Variants in SLC71A2 observed in about 807,000 individuals in gnomAD.
The protein encoded by SLC71A2 is solute carrier family 71 member 2.
the SLC71A2 span, among the ~76,000 whole-genome samples, chr9:94,409,681 T>C: frequency 1.3e-5 from 2 of 152,180 alleles, no homozygotes; most frequent in Non-Finnish European, 1.5e-5. Context: ...TTTGTTCAAA[T>C]GAAAGTTTTG....
the SLC71A2 span, among the ~76,000 whole-genome samples, chr9:94,381,527 T>G: frequency 6.6e-6 from 1 of 152,364 alleles, no homozygotes; most frequent in South Asian, 2.1e-4. Flanking sequence ...CATTCCCTTG[T>G]TGATGGACTT....
the SLC71A2 span, among the ~76,000 whole-genome samples, chr9:94,450,507 T>TTTTTTTTTTTTTTTTTTTTC: frequency 5.8e-3 from 792 of 137,238 alleles, 63 homozygotes; most frequent in African/African-American, 0.011. Flanking sequence ...TTTTTTTTTT[T>TTTTTTTTTTTTTTTTTTTTC]GAGATGGAGT....
At chr9:94,413,030 A>G in the SLC71A2 span, among the ~76,000 whole-genome samples, 7 of 152,270 alleles carry the variant, frequency 4.6e-5, no homozygotes, top group African/African-American at 4.8e-5. Flanking sequence ...TATAACCTCA[A>G]TCTAATCATG....
the SLC71A2 span, among the ~76,000 whole-genome samples, chr9:94,405,746 T>C: frequency 6.6e-6 from 1 of 152,080 alleles, no homozygotes; most frequent in Non-Finnish European, 1.5e-5. Context: ...TAATTTTTTT[T>C]CTTTTTCAAG....
the SLC71A2 span, among the ~76,000 whole-genome samples, chr9:94,404,921 A>G: frequency 6.6e-6 from 1 of 152,174 alleles, no homozygotes; most frequent in Non-Finnish European, 1.5e-5. Flanking sequence ...TGTCAAATCC[A>G]ATACCAGGAA....
At chr9:94,380,290 CT>C in the SLC71A2 span, among the ~76,000 whole-genome samples, 1 of 151,260 alleles carries the variant, frequency 6.6e-6, no homozygotes, top group Non-Finnish European at 1.5e-5. Context: ...AAAGAAATTT[CT>C]CAGTTTCTTA....
the SLC71A2 span, chr9:94,454,147 G>C: frequency 1.5e-5 from 15 of 974,908 alleles, 1 homozygote; most frequent in South Asian, 1.0e-4. Flanking sequence ...TGGGTGTGAT[G>C]AGAAGGAAGC....
At chr9:94,437,576 A>T in the SLC71A2 span, among the ~76,000 whole-genome samples, 3 of 152,198 alleles carry the variant, frequency 2.0e-5, no homozygotes, top group Admixed American at 2.0e-4. Context: ...CTTTACTTTG[A>T]TCGACAAAGT....
the SLC71A2 span, chr9:94,374,552 C>T: frequency 6.6e-6 from 1 of 152,492 alleles, no homozygotes; most frequent in Non-Finnish European, 1.5e-5. Flanking sequence ...ACCGTGCAGC[C>T]CGCCCCTGAC....
At chr9:94,409,129 C>CTTTTTT in the SLC71A2 span, among the ~76,000 whole-genome samples, 1,640 of 68,230 alleles carry the variant, frequency 0.024, 164 homozygotes, top group Middle Eastern at 0.048. Context: ...GCCCGGCCTC[C>CTTTTTT]TTTTTTTTTT....
At chr9:94,446,661 T>G in the SLC71A2 span, among the ~76,000 whole-genome samples, 1 of 152,172 alleles carries the variant, frequency 6.6e-6, no homozygotes. Context: ...AAATTAAGAC[T>G]TGTAACTTCC....
At chr9:94,448,468 CAGGCCTTTTCCTAATGGT>C in the SLC71A2 span, among the ~76,000 whole-genome samples, 6 of 152,156 alleles carry the variant, frequency 3.9e-5, no homozygotes, top group Non-Finnish European at 8.8e-5. Context: ...CATTGGAAGG[CAGGCCTTTTCCTAATGGT>C]TTACTTTGAC....
the SLC71A2 span, among the ~76,000 whole-genome samples, chr9:94,430,046 A>G: frequency 6.0e-5 from 9 of 149,684 alleles, no homozygotes; most frequent in Non-Finnish European, 8.9e-5. Context: ...AGCTGGGACT[A>G]GGCATGCACC....
chr9:94,400,347 G>A, the SLC71A2 span, among the ~76,000 whole-genome samples: 3 of 151,878 alleles, frequency 2.0e-5, no homozygotes, highest in East Asian at 5.8e-4. Context: ...GTTTCAGTCC[G>A]TTGCCTGAGG....
At chr9:94,397,896 T>A in the SLC71A2 span, among the ~76,000 whole-genome samples, 1 of 152,236 alleles carries the variant, frequency 6.6e-6, no homozygotes, top group Non-Finnish European at 1.5e-5. Context: ...AGATACTGTT[T>A]ATCAGATTTC....
the SLC71A2 span, among the ~76,000 whole-genome samples, chr9:94,441,611 G>T: frequency 2.0e-5 from 3 of 152,288 alleles, no homozygotes; most frequent in South Asian, 4.1e-4. Context: ...ATCCCCGGAG[G>T]AGCGTTAAGC....
chr9:94,415,027 G>A, the SLC71A2 span: 7 of 655,356 alleles, frequency 1.1e-5, no homozygotes, highest in African/African-American at 1.3e-4. Flanking sequence ...ACAGAATGAA[G>A]TTTTATTTTA....
At chr9:94,406,148 A>G in the SLC71A2 span, among the ~76,000 whole-genome samples, 87 of 130,768 alleles carry the variant, frequency 6.7e-4, no homozygotes, top group African/African-American at 2.4e-3. Context: ...GCTCACTGCA[A>G]ACTTGAACTC....
At chr9:94,424,477 T>C in the SLC71A2 span, among the ~76,000 whole-genome samples, 1 of 151,968 alleles carries the variant, frequency 6.6e-6, no homozygotes, top group African/African-American at 2.4e-5. Flanking sequence ...TCAGGTTATC[T>C]GCCTGCCTCA....
Sources: gnomAD v4.1 joint callset for allele counts (sites outside exome capture counted in the v4.1 genomes callset) on GRCh38, gnomAD v4.1.1 for gene constraint, MANE v1.5 for transcripts, NCBI Gene and HGNC (gene_info 2026-07-23, HGNC 2026-07-21) for gene names.